The following LMX1A variants were observed in gnomAD, a reference collection of about 807,000 sequenced individuals.
LMX1A encodes the protein LIM homeobox transcription factor 1-alpha.
A neutral mutation model predicts 49.1 loss-of-function variants in LMX1A; 15 were observed. The observed-to-expected ratio is 0.31, with a 90% confidence interval of 0.20 to 0.47. The LOEUF (loss-of-function observed/expected upper bound fraction) is 0.47, where lower values mean the gene tolerates loss of function less well. Ranked by LOEUF, LMX1A falls within the 20% of genes least tolerant of loss-of-function variation. The probability of loss-of-function intolerance (pLI) is 1.00; values close to 1 mark genes in which losing one functional copy is unlikely to be tolerated. For missense variants in LMX1A, 372 were observed against 475.8 expected, an observed-to-expected ratio of 0.78 and a Z score of 2.03; for synonymous variants, 167 against 185.7, an observed-to-expected ratio of 0.90 and a Z score of 0.82.
Position 165,203,760 on chromosome 1 carries a change from C to A in LMX1A, c.*120G>T. ...ACCATATCATTATACAACAGCATCC[C>A]CAACAAAACTCCCTCCCCAACCCAC... On this transcript the variant is annotated 3_prime_UTR_variant, in exon 9 of 9. Transcript: ENST00000342310. 1.3e-6 allele frequency: 1 copy of A among 792,390 alleles called. No individual in the cohort carries two copies. Among genetic ancestry groups the A allele is most frequent in the East Asian group, 2.5e-5 (1 of 40,268 alleles). 49.1% of individuals were successfully genotyped at this position (792,390 alleles called of 1,614,324 possible).
chr1:165,232,987 G>A (rs890511879), intron 4 of LMX1A, among the ~76,000 whole-genome samples: 1 of 152,158 alleles, frequency 6.6e-6, no homozygotes, highest in African/African-American at 2.4e-5. Context: ...CGGACCAGCA[G>A]AAGTCCCAAT....
chr1:165,241,755 G>A (rs960789610), intron 4 of LMX1A, among the ~76,000 whole-genome samples: 1 of 152,134 alleles, frequency 6.6e-6, no homozygotes, highest in Non-Finnish European at 1.5e-5. Flanking sequence ...ATTTATTGGA[G>A]AACAAGAAGA....
chr1:165,356,225 C>T (rs891629868), intron 1 of LMX1A, 130 bp downstream of exon 1: 1 of 152,388 alleles, frequency 6.6e-6, no homozygotes, highest in Non-Finnish European at 1.5e-5. Context: ...CCGGGAATGT[C>T]TGCAGAAGCA....
rs1311742771 is a variant in LMX1A at position 165,203,658 on chromosome 1, C to T, written c.*222G>A. ...CTTAATGATAAACACGTCTTCATAT[C>T]TAATGCTAAGACTCTTATTAGAAAC... is the stretch of plus-strand genomic sequence containing the variant. On this transcript the variant is annotated 3_prime_UTR_variant, in exon 9 of 9. Coordinates refer to ENST00000342310, the MANE Select transcript of LMX1A (RefSeq NM_177398.4). 2 of 423,236 alleles carry T rather than the reference C, an allele frequency of 4.7e-6. No individual in the cohort carries two copies. The highest frequency in any genetic ancestry group is 8.5e-6 in the Non-Finnish European group (2 of 234,274). 26.2% of individuals were successfully genotyped at this position (423,236 alleles called of 1,614,324 possible). A position where few individuals can be genotyped will look rare whatever the true frequency, so the allele number is the denominator to read the frequency against.
Position 165,353,173 on chromosome 1 carries a change from G to A in LMX1A, c.166C>T (p.His56Tyr). The A allele has an allele frequency of 6.2e-7, 1 of 1,614,116 alleles. No homozygotes were observed. The highest frequency in any genetic ancestry group is 8.5e-7 in the Non-Finnish European group (1 of 1,180,000). The change falls in exon 3 of 9, where the codon CAT (histidine) becomes TAT (tyrosine). Residue 56 changes from histidine to tyrosine, a missense_variant. His to Tyr is a moderately conservative substitution (Grantham distance 83, BLOSUM62 2). This residue lies in a region of LMX1A where 199 missense variants were observed against 244.0 expected (regional missense o/e 0.82). Coordinates refer to ENST00000342310, the MANE Select transcript of LMX1A (RefSeq NM_177398.4). ...GAGGCGCACTGCACGCACTGCTCAT[G>A]CCAGAAGCTGTCGTTGAGCCGCAGC... ...FLLRLNDSFW[H>Y]EQCVQCASCK... is the part of the protein sequence containing the mutation.
At chr1:165,241,742 C>CT (rs1417839210) in intron 4 of LMX1A, among the ~76,000 whole-genome samples, 1 of 152,124 alleles carries the variant, frequency 6.6e-6, no homozygotes, top group African/African-American at 2.4e-5. Flanking sequence ...CTTCTCTAGT[C>CT]TAATTTATTG....
intron 3 of LMX1A, among the ~76,000 whole-genome samples, chr1:165,267,037 G>A (rs1211351316): frequency 6.6e-6 from 1 of 151,322 alleles, no homozygotes; most frequent in Non-Finnish European, 1.5e-5. Flanking sequence ...GATTTCAAAG[G>A]GAACAATTCT....
At chr1:165,213,875 A>G (rs1042287240) in intron 4 of LMX1A, 62 bp from the exon 5 acceptor site, 3 of 1,497,970 alleles carry the variant, frequency 2.0e-6, no homozygotes, top group African/African-American at 1.4e-5. Flanking sequence ...GCTGTATGTT[A>G]TTCCATAGCA....
chr1:165,271,262 C>T (rs1237511388), intron 3 of LMX1A, among the ~76,000 whole-genome samples: 1 of 152,156 alleles, frequency 6.6e-6, no homozygotes, highest in Non-Finnish European at 1.5e-5. Flanking sequence ...ATACTTTGGA[C>T]CCTGTCCTGT....
At chr1:165,271,306 G>C (rs1038940735) in intron 3 of LMX1A, among the ~76,000 whole-genome samples, 1 of 152,224 alleles carries the variant, frequency 6.6e-6, no homozygotes, top group Non-Finnish European at 1.5e-5. Flanking sequence ...GTATTAGGTA[G>C]CAAGCTGGAC....
At chr1:165,321,168 T>C (rs142751319) in intron 3 of LMX1A, among the ~76,000 whole-genome samples, 380 of 152,308 alleles carry the variant, frequency 2.5e-3, no homozygotes, top group Non-Finnish European at 4.2e-3. Context: ...ATGATTTCAT[T>C]TATGTGAAAT....
At position 165,355,601 on chromosome 1, in the gene LMX1A, A is replaced by G; in HGVS notation, c.-22-20T>C. ...GAGGACCTGTAGAGGAGAAGAAACG[A>G]TGCGTCTGACGTCCGTGCCCGCTGG... On this transcript the variant is annotated intron_variant, in intron 1 of 8. Transcript: ENST00000342310. This position sits in a 1 kb window ranked among gnomAD's most constrained non-coding sequence, Gnocchi z 4.7. 6.3e-7 allele frequency: 1 copy of G among 1,591,620 alleles called. No homozygotes were observed. The highest frequency in any genetic ancestry group is 8.6e-7 in the Non-Finnish European group (1 of 1,163,312).
At position 165,223,679 on chromosome 1, in the gene LMX1A, G is replaced by A. The variant is rs183738377; in HGVS notation, c.497-9866C>T. Among the ~76,000 whole-genome samples the A allele has an allele frequency of 3.7e-3, 557 of 152,178 alleles. 7 individuals are homozygous for A. The highest frequency in any genetic ancestry group is 0.012 in the African/African-American group (512 of 41,522). On this transcript the variant is annotated intron_variant, in intron 4 of 8. Coordinates refer to ENST00000342310, the MANE Select transcript of LMX1A (RefSeq NM_177398.4). The stretch of plus-strand genomic sequence containing the variant: ...TTCCCTTTCCAAATACCCAGAGCAC[G>A]TGTTTGTCTATCTCAAATACTTTAG...
Position 165,298,241 on chromosome 1 carries a change from C to T in LMX1A, c.264-48601G>A, listed in dbSNP as rs138806738. On this transcript the variant is annotated intron_variant, in intron 3 of 8. Transcript: ENST00000342310. The stretch of plus-strand genomic sequence containing the variant: ...AGACTGGTTTTTATGCAGCTATTTG[C>T]GGAGATGAGAGCTGATTTACTGCCG... 9.1e-3 allele frequency among the ~76,000 whole-genome samples: 1,390 copies of T among 152,270 alleles called. 9 individuals are homozygous for T. The highest frequency in any genetic ancestry group is 0.015 in the Non-Finnish European group (1,053 of 68,024).
chr1:165,233,777 G>C (rs763055588), intron 4 of LMX1A, among the ~76,000 whole-genome samples: 11 of 152,088 alleles, frequency 7.2e-5, no homozygotes, highest in Non-Finnish European at 1.6e-4. Context: ...CTGCCTGATG[G>C]GCAGGTGCTT....
chr1:165,282,623 G>A (rs1276119733), intron 3 of LMX1A, among the ~76,000 whole-genome samples: 1 of 152,098 alleles, frequency 6.6e-6, no homozygotes, highest in African/African-American at 2.4e-5. Flanking sequence ...TAAGCTTCAC[G>A]TGGCCAGGCA....
At chr1:165,270,407 C>A (rs1381518915) in intron 3 of LMX1A, among the ~76,000 whole-genome samples, 1 of 152,184 alleles carries the variant, frequency 6.6e-6, no homozygotes, top group African/African-American at 2.4e-5. Flanking sequence ...TGGGGGCAAG[C>A]AAGGAAGTAT....
chr1:165,216,647 A>G (rs1285970909), intron 4 of LMX1A, among the ~76,000 whole-genome samples: 2 of 143,488 alleles, frequency 1.4e-5, no homozygotes, highest in Non-Finnish European at 2.9e-5. Flanking sequence ...TCTGTTCAAT[A>G]AAACAGTACT....
chr1:165,314,680 C>T (rs912607135), intron 3 of LMX1A, among the ~76,000 whole-genome samples: 4 of 151,908 alleles, frequency 2.6e-5, no homozygotes, highest in African/African-American at 4.8e-5. Context: ...AGGGCTTGAA[C>T]GAAGAGAGAA....
Sources: allele counts gnomAD v4.1 joint callset (sites outside exome capture counted in the v4.1 genomes callset), GRCh38; gene constraint gnomAD v4.1.1; regional missense constraint gnomAD v4.1.1; non-coding constraint Gnocchi (gnomAD v3.1); transcripts MANE v1.5; gene names NCBI Gene and HGNC (gene_info 2026-07-23, HGNC 2026-07-21).